DDX60L: variants seen among roughly 807,000 people sequenced by gnomAD.
DDX60L encodes probable ATP-dependent RNA helicase DDX60-like.
In DDX60L, 191 loss-of-function variants were observed where a neutral mutation model predicts 211.6. The observed-to-expected ratio is 0.90, with a 90% CI of 0.80 to 1.02. DDX60L has a LOEUF of 1.02. Among genes scored for constraint, DDX60L ranks in the 50% least tolerant of loss-of-function variants. DDX60L has a pLI of 0.00. For synonymous variants in DDX60L, 706 were observed against 694.1 expected, an observed-to-expected ratio of 1.02 and a Z score of -0.27; for missense variants, 2,007 against 1,984.1, an observed-to-expected ratio of 1.01 and a Z score of -0.22.
chr4:168,383,349 A>G (rs1432899444), intron 30 of DDX60L, among the ~76,000 whole-genome samples: 1 of 152,242 alleles, frequency 6.6e-6, no homozygotes, highest in African/African-American at 2.4e-5. Flanking sequence ...CATTTGGGCC[A>G]AGGTTGAAGA....
chr4:168,420,929 A>T (rs781590289), intron 17 of DDX60L, among the ~76,000 whole-genome samples: 1 of 152,018 alleles, frequency 6.6e-6, no homozygotes, highest in Non-Finnish European at 1.5e-5. Flanking sequence ...AGCCCCTAGG[A>T]TTCCCCTTCT....
intron 24 of DDX60L, among the ~76,000 whole-genome samples, chr4:168,404,489 T>C (rs1472140224): frequency 1.3e-5 from 2 of 151,992 alleles, no homozygotes. Context: ...AAACCTATAA[T>C]GGAAAAGAAA....
intron 29 of DDX60L, among the ~76,000 whole-genome samples, chr4:168,387,552 T>C (rs1025644422): frequency 6.6e-6 from 1 of 152,224 alleles, no homozygotes; most frequent in African/African-American, 2.4e-5. Flanking sequence ...TTGTTTTTTA[T>C]AGAAAATAAA....
intron 8 of DDX60L, among the ~76,000 whole-genome samples, chr4:168,452,466 G>A (rs762108073): frequency 2.0e-5 from 3 of 152,128 alleles, no homozygotes; most frequent in African/African-American, 4.8e-5. Context: ...GAGTGAATGG[G>A]TACCCCATTC....
rs59628441 is a variant in DDX60L at position 168,431,598 on chromosome 4, T to C, written c.1516+857A>G. On this transcript the variant is annotated intron_variant, in intron 12 of 37. Coordinates refer to ENST00000682922, the MANE Select transcript of DDX60L (RefSeq NM_001012967.3). ...GGATAGCATTAAGAGATATACCTAA[T>C]GCTAAATGACGAGTTAATGGGTGCA... Among the ~76,000 whole-genome samples the C allele has an allele frequency of 6.4e-3, 968 of 151,334 alleles. 14 individuals carry two copies. The highest frequency in any genetic ancestry group is 0.019 in the African/African-American group (800 of 41,246).
intron 4 of DDX60L, among the ~76,000 whole-genome samples, chr4:168,465,531 A>G (rs72978782): frequency 0.012 from 1,800 of 152,118 alleles, 48 homozygotes; most frequent in African/African-American, 0.041. Flanking sequence ...TGCTTTTGCT[A>G]CCTGTGCTTC....
intron 9 of DDX60L, among the ~76,000 whole-genome samples, chr4:168,447,427 G>A (rs1228272151): frequency 1.3e-5 from 2 of 149,504 alleles, no homozygotes; most frequent in African/African-American, 4.9e-5. Context: ...CTTTTACACT[G>A]TTAGTGGGAC....
In DDX60L at chr4:168,356,812, T is replaced by G. The variant is rs1738284119; in HGVS notation, c.*1335A>C. On this transcript the variant is annotated 3_prime_UTR_variant, in exon 38 of 38. Transcript: ENST00000682922. ...ACTACAACAATACCAAGTTTTCAGCTAATTGTTTGCTTAAAGAATCACAGA... is the reference window on the plus strand; with the variant it reads ...ACTACAACAATACCAAGTTTTCAGCGAATTGTTTGCTTAAAGAATCACAGA... 1.3e-5 allele frequency: 2 copies of G among 152,220 alleles called. No individual in the cohort carries two copies. Among genetic ancestry groups the G allele is most frequent in the Admixed American group, 1.3e-4 (2 of 15,284 alleles). 9.4% of individuals were successfully genotyped at this position (152,220 alleles called of 1,614,324 possible).
chr4:168,454,208 AT>A (rs1756205693), intron 7 of DDX60L, among the ~76,000 whole-genome samples: 1 of 152,188 alleles, frequency 6.6e-6, no homozygotes, highest in South Asian at 2.1e-4. Flanking sequence ...TAAGTTCTTC[AT>A]TTTTTACTGT....
intron 29 of DDX60L, among the ~76,000 whole-genome samples, chr4:168,388,691 C>G (rs1269095606): frequency 6.6e-6 from 1 of 152,134 alleles, no homozygotes; most frequent in Non-Finnish European, 1.5e-5. Context: ...GGACCAGATT[C>G]CCCCATATTA....
intron 26 of DDX60L, among the ~76,000 whole-genome samples, chr4:168,396,566 C>T (rs1745833367): frequency 6.6e-6 from 1 of 151,992 alleles, no homozygotes; most frequent in African/African-American, 2.4e-5. Flanking sequence ...AATATCCATG[C>T]TGACAGCAGA....
chr4:168,465,970 CCAGT>C (rs144500608), intron 4 of DDX60L, among the ~76,000 whole-genome samples: 2 of 151,584 alleles, frequency 1.3e-5, no homozygotes, highest in East Asian at 3.9e-4. Context: ...AAATAATCCA[CCAGT>C]CAAAGAAAAA....
At chr4:168,449,676 A>AAAAAATAAT (rs1755498123) in intron 8 of DDX60L, among the ~76,000 whole-genome samples, 1 of 147,126 alleles carries the variant, frequency 6.8e-6, no homozygotes. Flanking sequence ...GAAAAAAGAA[A>AAAAAATAAT]AAAATTACTA....
intron 24 of DDX60L, 28 bp from the exon 25 acceptor site, chr4:168,404,134 A>AG: frequency 8.0e-7 from 1 of 1,250,236 alleles, no homozygotes. Flanking sequence ...AATTATTTAA[A>AG]AAAAAAAAAA....
At chr4:168,384,156 T>C (rs891556044) in intron 30 of DDX60L, among the ~76,000 whole-genome samples, 29 of 152,166 alleles carry the variant, frequency 1.9e-4, no homozygotes, top group African/African-American at 6.5e-4. Flanking sequence ...TGGCCTATTA[T>C]GGGTCCTTGT....
At chr4:168,383,743 T>C (rs1044471152) in intron 30 of DDX60L, among the ~76,000 whole-genome samples, 3 of 152,152 alleles carry the variant, frequency 2.0e-5, no homozygotes, top group Non-Finnish European at 4.4e-5. Flanking sequence ...ATTCCTCAGA[T>C]AAAAAGTTTC....
At chr4:168,471,611 A>T (rs1313912868) in intron 4 of DDX60L, 136 bp downstream of exon 4, 12 of 641,158 alleles carry the variant, frequency 1.9e-5, no homozygotes, top group African/African-American at 3.8e-5. Flanking sequence ...ATTATGGGTA[A>T]TTTTTTCTTT....
chr4:168,358,290 A>G lies in DDX60L; in HGVS notation c.4992-14T>C. On this transcript the variant is annotated splice_polypyrimidine_tract_variant and intron_variant, in intron 37 of 37. Coordinates refer to ENST00000682922, the MANE Select transcript of DDX60L (RefSeq NM_001012967.3). ...CTCAAGGAGTCACTGTATAAATGAT[A>G]ATAATAATAAAAAAATAATGAGCCC... The G allele has an allele frequency of 6.9e-7, 1 of 1,452,382 alleles. No homozygotes were observed. The highest frequency in any genetic ancestry group is 1.4e-5 in the South Asian group (1 of 71,592). The allele number at this position is 1,452,382 out of a possible 1,614,324, so 90.0% of individuals were successfully genotyped here.
At chr4:168,381,694 C>G (rs1255993484) in intron 30 of DDX60L, among the ~76,000 whole-genome samples, 2 of 151,810 alleles carry the variant, frequency 1.3e-5, no homozygotes, top group Admixed American at 6.6e-5. Context: ...TACAAGAAAA[C>G]AGCAATCAGT....
Sources: allele counts gnomAD v4.1 joint callset (sites outside exome capture counted in the v4.1 genomes callset), GRCh38; gene constraint gnomAD v4.1.1; transcripts MANE v1.5; gene names NCBI Gene and HGNC (gene_info 2026-07-23, HGNC 2026-07-21).